Variants in SLC10A7 observed in about 807,000 individuals in gnomAD.
SLC10A7 encodes the protein sodium/bile acid cotransporter 7.
SLC10A7 carries 29 observed loss-of-function variants against 43.2 expected under a neutral mutation model. That is an observed-to-expected ratio of 0.67 (90% CI 0.50 to 0.92). The LOEUF is 0.92. Among genes scored for constraint, SLC10A7 ranks in the 40% least tolerant of loss-of-function variants. SLC10A7 has a pLI of 0.00. For missense variants in SLC10A7, 295 were observed against 403.2 expected (o/e 0.73, Z 2.30); for synonymous variants, 152 against 144.8 (o/e 1.05, Z -0.35).
rs188215736 is a variant in SLC10A7 at position 146,432,173 on chromosome 4, T to C, written c.435+10610A>G. Among the ~76,000 whole-genome samples, 7 of 152,328 alleles carry C rather than the reference T, an allele frequency of 4.6e-5. No individual in the cohort carries two copies. In the East Asian group the frequency reaches 1.2e-3, roughly 25 times the overall value. Reference sequence around the variant, plus strand: ...GGTTGTGGAGTAACTGGACTACTTATACAATCCTGCTAGGAATGTAAAATG... The same window carrying C: ...GGTTGTGGAGTAACTGGACTACTTACACAATCCTGCTAGGAATGTAAAATG... On this transcript the variant is annotated intron_variant, in intron 5 of 11. Coordinates refer to ENST00000335472, the MANE Select transcript of SLC10A7 (RefSeq NM_001029998.6).
intron 4 of SLC10A7, among the ~76,000 whole-genome samples, chr4:146,452,232 A>G (rs1432908852): frequency 2.0e-5 from 3 of 152,118 alleles, no homozygotes; most frequent in Non-Finnish European, 4.4e-5. Flanking sequence ...AAGGAAGAGA[A>G]AACTGACTAT....
chr4:146,462,027 G>T (rs1471870135), intron 4 of SLC10A7, among the ~76,000 whole-genome samples: 2 of 151,894 alleles, frequency 1.3e-5, no homozygotes, highest in African/African-American at 2.4e-5. Flanking sequence ...TGTAAATTTT[G>T]TGAAGTGAAT....
chr4:146,320,101 T>C (rs1311997387), intron 6 of SLC10A7, among the ~76,000 whole-genome samples: 2 of 152,044 alleles, frequency 1.3e-5, no homozygotes, highest in Non-Finnish European at 2.9e-5. Flanking sequence ...AATGATCCTC[T>C]AGAGAGTGGA....
intron 4 of SLC10A7, among the ~76,000 whole-genome samples, chr4:146,443,459 A>G (rs779235590): frequency 6.6e-6 from 1 of 152,244 alleles, no homozygotes; most frequent in Non-Finnish European, 1.5e-5. Flanking sequence ...TAGCAGACGT[A>G]ATATAGCTCT....
intron 5 of SLC10A7, among the ~76,000 whole-genome samples, chr4:146,429,007 C>T (rs574986862): frequency 7.6e-4 from 115 of 152,170 alleles, no homozygotes; most frequent in African/African-American, 2.7e-3. Context: ...CCCTAATCTA[C>T]TTCACAGGAT....
intron 5 of SLC10A7, among the ~76,000 whole-genome samples, chr4:146,436,961 C>A (rs1730261848): frequency 6.6e-6 from 1 of 152,084 alleles, no homozygotes; most frequent in Admixed American, 6.5e-5. Context: ...AAACAGTATG[C>A]TGACATGGCA....
At chr4:146,446,047 G>A (rs982005041) in intron 4 of SLC10A7, among the ~76,000 whole-genome samples, 1 of 152,044 alleles carries the variant, frequency 6.6e-6, no homozygotes, top group Non-Finnish European at 1.5e-5. Flanking sequence ...CTCACTTTGG[G>A]CCGTGGGTCC....
intron 5 of SLC10A7, among the ~76,000 whole-genome samples, chr4:146,399,397 GGA>G (rs1739063516): frequency 6.6e-6 from 1 of 152,104 alleles, no homozygotes; most frequent in Non-Finnish European, 1.5e-5. Flanking sequence ...GAAAGAGTTG[GGA>G]GAGAGTATGG....
At chr4:146,518,872 G>T (rs1738271005) in intron 1 of SLC10A7, among the ~76,000 whole-genome samples, 1 of 151,194 alleles carries the variant, frequency 6.6e-6, no homozygotes, top group Non-Finnish European at 1.5e-5. Flanking sequence ...CAGACTTCTG[G>T]CTTCTAGAAC....
chr4:146,356,573 A>G (rs1421659935), intron 5 of SLC10A7, among the ~76,000 whole-genome samples: 3 of 134,838 alleles, frequency 2.2e-5, no homozygotes, highest in Non-Finnish European at 4.7e-5. Flanking sequence ...TACAACAGAC[A>G]GACACACACA....
At chr4:146,349,448 G>C (rs1734861905) in intron 5 of SLC10A7, among the ~76,000 whole-genome samples, 1 of 152,168 alleles carries the variant, frequency 6.6e-6, no homozygotes, top group African/African-American at 2.4e-5. Context: ...GAAGCAGTTT[G>C]GAGACTTCTC....
At chr4:146,326,937 C>T (rs750238128) in intron 5 of SLC10A7, among the ~76,000 whole-genome samples, 16,910 of 105,758 alleles carry the variant, frequency 0.16, 1,037 homozygotes, top group African/African-American at 0.23. Context: ...CACACACACA[C>T]ACACACACAC....
At chr4:146,519,124 T>A (rs1268578166) in intron 1 of SLC10A7, among the ~76,000 whole-genome samples, 4 of 124,790 alleles carry the variant, frequency 3.2e-5, no homozygotes, top group Non-Finnish European at 6.6e-5. Flanking sequence ...ATATAATATA[T>A]AATTAATATA....
At chr4:146,395,485 A>G (rs1370933899) in intron 5 of SLC10A7, among the ~76,000 whole-genome samples, 1 of 152,220 alleles carries the variant, frequency 6.6e-6, no homozygotes, top group African/African-American at 2.4e-5. Flanking sequence ...GCAGAAGTTC[A>G]TTCAGGCAGA....
At chr4:146,324,536 G>T (rs1271038342) in intron 6 of SLC10A7, among the ~76,000 whole-genome samples, 1 of 152,050 alleles carries the variant, frequency 6.6e-6, no homozygotes, top group Admixed American at 6.6e-5. Flanking sequence ...CCATAATGAA[G>T]AAAACCCAGG....
chr4:146,447,337 G>T (rs528033029), intron 4 of SLC10A7, among the ~76,000 whole-genome samples: 1 of 152,088 alleles, frequency 6.6e-6, no homozygotes, highest in South Asian at 2.1e-4. Flanking sequence ...TTGAACTCCT[G>T]GACTCAAGCG....
chr4:146,506,756 T>G (rs963818841), intron 3 of SLC10A7, among the ~76,000 whole-genome samples: 19 of 152,290 alleles, frequency 1.2e-4, no homozygotes, highest in African/African-American at 4.3e-4. Flanking sequence ...TTGTTTGGTT[T>G]TTTTTTGTTT....
chr4:146,392,194 T>G (rs1381223319), intron 5 of SLC10A7, among the ~76,000 whole-genome samples: 1 of 152,158 alleles, frequency 6.6e-6, no homozygotes, highest in African/African-American at 2.4e-5. Flanking sequence ...ATTTCTGAAA[T>G]TCGTGAATCT....
At chr4:146,477,961 G>A (rs552443502) in intron 4 of SLC10A7, 36 of 152,252 alleles carry the variant, frequency 2.4e-4, no homozygotes, top group African/African-American at 7.2e-4. Context: ...AATCAAGCAC[G>A]AGAGTACCTT....
Sources: gnomAD v4.1 joint callset for allele counts (sites outside exome capture counted in the v4.1 genomes callset) on GRCh38, gnomAD v4.1.1 for gene constraint, MANE v1.5 for transcripts, NCBI Gene and HGNC (gene_info 2026-07-23, HGNC 2026-07-21) for gene names.